The following SMC1B variants were observed in gnomAD, a reference collection of about 807,000 sequenced individuals.
The protein encoded by SMC1B is structural maintenance of chromosomes 1B.
A neutral mutation model predicts 157.9 loss-of-function variants in SMC1B; 60 were observed. That is an observed-to-expected ratio of 0.38 (90% CI 0.31 to 0.47). The LOEUF (loss-of-function observed/expected upper bound fraction) is 0.47, where lower values mean the gene tolerates loss of function less well. SMC1B is among the 20% of genes least tolerant of loss of function. The probability of loss-of-function intolerance (pLI) is 0.99; values close to 1 mark genes in which losing one functional copy is unlikely to be tolerated. For missense variants in SMC1B, 1,165 were observed against 1,426.2 expected (o/e 0.82, Z 2.95); for synonymous variants, 445 against 483.0 (o/e 0.92, Z 1.03).
chr22:45,344,523 A>T lies in SMC1B; in HGVS notation c.*33T>A, dbSNP rs2086530823. On this transcript the variant is annotated 3_prime_UTR_variant, in exon 25 of 25. Coordinates refer to ENST00000357450, the MANE Select transcript of SMC1B (RefSeq NM_148674.5). ...TGTGTGAGTATTAGAGTGGGAACTG[A>T]ACAGTGATCAGGTGACTGCTGCAGG... The T allele has an allele frequency of 6.7e-7, 1 of 1,481,900 alleles. No individual in the cohort carries two copies. The highest frequency in any genetic ancestry group is 1.7e-5 in the Admixed American group (1 of 59,724). 91.8% of individuals were successfully genotyped at this position (1,481,900 alleles called of 1,614,324 possible).
intron 10 of SMC1B, among the ~76,000 whole-genome samples, chr22:45,389,399 T>C (rs2087030964): frequency 6.6e-6 from 1 of 152,238 alleles, no homozygotes; most frequent in Non-Finnish European, 1.5e-5. Context: ...CCATTTCCTA[T>C]ACTTTGCTAT....
intron 15 of SMC1B, among the ~76,000 whole-genome samples, chr22:45,364,550 T>C (rs1484203435): frequency 2.0e-5 from 3 of 152,162 alleles, no homozygotes; most frequent in Admixed American, 6.6e-5. Flanking sequence ...TGCCCAAGGC[T>C]ACCCACTTAG....
At chr22:45,365,417 G>C (rs2086765988) in intron 15 of SMC1B, among the ~76,000 whole-genome samples, 2 of 152,080 alleles carry the variant, frequency 1.3e-5, no homozygotes, top group South Asian at 4.1e-4. Context: ...TAAAATTTGA[G>C]ATTAGGCCGA....
rs534467620 is a variant in SMC1B, at chr22:45,372,210, T to C, written c.2141A>G (p.Tyr714Cys). Residue 714 changes from tyrosine (Y) to cysteine (C), a missense_variant, in exon 13 of 25, where the codon TAT becomes TGT. By Grantham distance (194) the Tyr-to-Cys change is radical. Coordinates refer to ENST00000357450, the MANE Select transcript of SMC1B (RefSeq NM_148674.5). ...LIQGTQTRLK[Y>C]SQNELEMIKK... ...AATCATCTCTAGTTCATTTTGTGAA[T>C]ATTTGAGTCGTGTTTGAGTTCCCTG... 1.1e-5 allele frequency: 17 copies of C among 1,612,826 alleles called. No individual in the cohort carries two copies. The South Asian group carries it at 1.4e-4, about 14-fold the overall frequency.
rs560182902 is a variant in SMC1B, at chr22:45,406,876, A to G, written c.299-11T>C. The G allele has an allele frequency of 6.5e-7, 1 of 1,535,658 alleles. No individual in the cohort carries two copies. The highest frequency in any genetic ancestry group is 2.4e-5 in the Admixed American group (1 of 42,452). ...ATTCTGAGCATCCCCCTAAAATAAA[A>G]AAATAAACCCTGTTAAAAAATATAT... On this transcript the variant is annotated splice_polypyrimidine_tract_variant and intron_variant, in intron 2 of 24. Transcript: ENST00000357450.
intron 1 of SMC1B, among the ~76,000 whole-genome samples, chr22:45,413,057 T>A (rs1569204632): frequency 5.2e-4 from 79 of 150,588 alleles, no homozygotes. Flanking sequence ...ACCCCCAGGG[T>A]GGGGGGCGAG....
At position 45,389,729 on chromosome 22, in the gene SMC1B, C is replaced by T. The variant is rs754559505; in HGVS notation, c.1714G>A (p.Ala572Thr). 3.7e-6 allele frequency: 6 copies of T among 1,613,674 alleles called. No individual in the cohort carries two copies. Among genetic ancestry groups the T allele is most frequent in the East Asian group, 2.2e-5 (1 of 44,846 alleles). ...GTTCTTACATCAAGGTAATCTAGAGCGAGGAATGTCTCAGGTTCAGCTCTT... is the reference window on the plus strand; with the variant it reads ...GTTCTTACATCAAGGTAATCTAGAGTGAGGAATGTCTCAGGTTCAGCTCTT... ...EERAEPETFL[A>T]LDYLDIKPIN... is the part of the protein sequence containing the mutation. The change falls in exon 10 of 25, where the codon GCT becomes ACT. Residue 572 changes from alanine (A) to threonine (T), a missense_variant. Physicochemically the swap from Ala to Thr is moderately conservative, Grantham distance 58. Transcript: ENST00000357450.
At chr22:45,353,002 G>A (rs1260881142) in intron 21 of SMC1B, among the ~76,000 whole-genome samples, 1 of 152,188 alleles carries the variant, frequency 6.6e-6, no homozygotes, top group Non-Finnish European at 1.5e-5. Flanking sequence ...TAGGCATGGT[G>A]ACTCATGCCT....
intron 6 of SMC1B, among the ~76,000 whole-genome samples, chr22:45,397,651 C>T (rs935102271): frequency 5.9e-5 from 9 of 152,182 alleles, no homozygotes; most frequent in Admixed American, 5.9e-4. Context: ...CTACCCTTCC[C>T]TAATTGGTTT....
intron 19 of SMC1B, among the ~76,000 whole-genome samples, chr22:45,357,806 T>C (rs2146771161): frequency 6.6e-6 from 1 of 152,322 alleles, no homozygotes; most frequent in East Asian, 1.9e-4. Flanking sequence ...CCTAAAACCT[T>C]TGCAATTTCC....
At chr22:45,412,763 C>T (rs571486096) in intron 1 of SMC1B, among the ~76,000 whole-genome samples, 1 of 152,228 alleles carries the variant, frequency 6.6e-6, no homozygotes, top group East Asian at 1.9e-4. Flanking sequence ...AGCAGCCATG[C>T]GCCATGGCTA....
chr22:45,369,861 A>C, intron 15 of SMC1B, 93 bp downstream of exon 15: 1 of 793,320 alleles, frequency 1.3e-6, no homozygotes, highest in South Asian at 1.8e-5. Flanking sequence ...TTCTTGATGA[A>C]ATGAAACTCA....
At chr22:45,378,354 A>C (rs2086902874) in intron 12 of SMC1B, among the ~76,000 whole-genome samples, 1 of 152,182 alleles carries the variant, frequency 6.6e-6, no homozygotes, top group Admixed American at 6.5e-5. Flanking sequence ...AAAAAGCTCT[A>C]CTTTAAAAAA....
rs369125281 is a variant in SMC1B, at chr22:45,371,520, A to T, written c.2264T>A (p.Ile755Asn). 8 of 1,600,052 alleles carry T rather than the reference A, an allele frequency of 5.0e-6. No individual in the cohort carries two copies. The highest frequency in any genetic ancestry group is 1.7e-5 in the Admixed American group (1 of 57,694). ...TTTAATTCTTCGTTGTCGTTCCTTG[A>T]TTCCTTCACTCAACATAATACATTG... ...ESQCIMLSEG[I>N]KERQRRIKEF... The change falls in exon 14 of 25, where the codon ATC (isoleucine) becomes AAC (asparagine). Residue 755 changes from isoleucine to asparagine, a missense_variant. Transcript: ENST00000357450.
Position 45,370,027 on chromosome 22 carries a change from C to A in SMC1B, c.2347G>T (p.Glu783Ter). Residue 783 changes from glutamate (E) to a stop codon, truncating the protein, a stop_gained, in exon 15 of 25, where the codon GAA becomes TAA. Transcript: ENST00000357450. LOFTEE classifies it high-confidence loss of function. ...TCACGAATATTTTCCACGCCAATTTCTTCACAGAAGTGTTGGAAGATATCG... is the reference window on the plus strand; with the variant it reads ...TCACGAATATTTTCCACGCCAATTTATTCACAGAAGTGTTGGAAGATATCG... ...EDDIFQHFCE[E>*]IGVENIREFE... The A allele has an allele frequency of 6.3e-7, 1 of 1,595,220 alleles. No homozygotes were observed. The highest frequency in any genetic ancestry group is 8.5e-7 in the Non-Finnish European group (1 of 1,169,940).
chr22:45,401,459 T>A (rs1487469587), intron 5 of SMC1B, among the ~76,000 whole-genome samples: 1 of 152,250 alleles, frequency 6.6e-6, no homozygotes, highest in Middle Eastern at 3.2e-3. Flanking sequence ...CATCTTCCCT[T>A]TTCTTTGTCA....
chr22:45,344,430 A>C lies in SMC1B; in HGVS notation c.*126T>G. 1.6e-6 allele frequency: 1 copy of C among 633,966 alleles called. No individual in the cohort carries two copies. The highest frequency in any genetic ancestry group is 2.8e-6 in the Non-Finnish European group (1 of 357,218). 39.3% of individuals were successfully genotyped at this position (633,966 alleles called of 1,614,324 possible). ...AGCCACAGCCTCTTTGGCTAGAACGACTAAGGTTTCTCTTAAAGGGTGCAC... is the reference window on the plus strand; with the variant it reads ...AGCCACAGCCTCTTTGGCTAGAACGCCTAAGGTTTCTCTTAAAGGGTGCAC... On this transcript the variant is annotated 3_prime_UTR_variant, in exon 25 of 25. Transcript: ENST00000357450.
intron 15 of SMC1B, among the ~76,000 whole-genome samples, chr22:45,363,712 T>TA (rs58375998): frequency 0.14 from 20,762 of 151,954 alleles, 1,504 homozygotes; most frequent in South Asian, 0.24. Flanking sequence ...AATTCTTTTT[T>TA]AAAAAAGAAA....
intron 1 of SMC1B, among the ~76,000 whole-genome samples, chr22:45,413,111 TG>T (rs765022770): frequency 1.5e-4 from 23 of 148,484 alleles, no homozygotes; most frequent in Non-Finnish European, 3.1e-4. Flanking sequence ...GGAGCTGAGG[TG>T]GGGTGGGGTC....
Sources: allele counts gnomAD v4.1 joint callset (sites outside exome capture counted in the v4.1 genomes callset), GRCh38; gene constraint gnomAD v4.1.1; transcripts MANE v1.5; gene names NCBI Gene and HGNC (gene_info 2026-07-23, HGNC 2026-07-21).